Variants in PLEKHG1 observed in about 807,000 individuals in gnomAD.
The protein encoded by PLEKHG1 is pleckstrin homology and RhoGEF domain containing G1, also known as pleckstrin homology domain-containing family G member 1.
A neutral mutation model predicts 100.8 loss-of-function variants in PLEKHG1; 44 were observed. The ratio of observed to expected loss-of-function variants is 0.44; its 90% CI spans 0.34 to 0.56. PLEKHG1 has a LOEUF of 0.56. Among genes scored for constraint, PLEKHG1 ranks in the 20% least tolerant of loss-of-function variants. PLEKHG1 has a pLI of 0.01. For missense variants in PLEKHG1, 1,545 were observed against 1,720.9 expected, an observed-to-expected ratio of 0.90 and a Z score of 1.81; for synonymous variants, 640 against 662.5, an observed-to-expected ratio of 0.97 and a Z score of 0.52.
chr6:150,608,729 C>T (rs1249803715), intron 1 of PLEKHG1, among the ~76,000 whole-genome samples: 1 of 152,074 alleles, frequency 6.6e-6, no homozygotes, highest in African/African-American at 2.4e-5. Context: ...ATGAAAAAAA[C>T]TGTGTGCATG....
intron 1 of PLEKHG1, among the ~76,000 whole-genome samples, chr6:150,636,234 T>A (rs1003510410): frequency 1.3e-5 from 2 of 152,166 alleles, no homozygotes; most frequent in Admixed American, 6.5e-5. Flanking sequence ...ATTTTTTCTA[T>A]AAGTAACAGT....
Position 150,804,654 on chromosome 6 carries a change from G to A in PLEKHG1, c.825G>A (p.Val275=), listed in dbSNP as rs750484310. Residue 275 remains valine, a synonymous_variant, in exon 7 of 16, where the codon GTG becomes GTA. Coordinates refer to ENST00000358517, the Ensembl canonical transcript of PLEKHG1. ...ATAAGGACACAGAAGGCTATGATGT[G>A]GTGCTTGATGCTATAGACACAATGC... 12 of 1,613,220 alleles carry A rather than the reference G, an allele frequency of 7.4e-6. No homozygotes were observed. In the East Asian group the frequency reaches 2.7e-4, roughly 36 times the overall value.
intron 4 of PLEKHG1, among the ~76,000 whole-genome samples, chr6:150,789,709 G>T (rs890503311): frequency 6.6e-6 from 1 of 152,194 alleles, no homozygotes; most frequent in African/African-American, 2.4e-5. Flanking sequence ...TTCTATTCCA[G>T]GTTGAGTATA....
intron 3 of PLEKHG1, among the ~76,000 whole-genome samples, chr6:150,671,776 A>T (rs952858738): frequency 1.1e-4 from 17 of 152,228 alleles, no homozygotes; most frequent in African/African-American, 4.1e-4. Flanking sequence ...AAGTTGGGAC[A>T]TGAATGAAAG....
At chr6:150,609,830 G>C (rs1366119794) in intron 1 of PLEKHG1, among the ~76,000 whole-genome samples, 7 of 152,198 alleles carry the variant, frequency 4.6e-5, no homozygotes, top group Non-Finnish European at 8.8e-5. Context: ...TGTCGGCCAA[G>C]ACAAGGCAGC....
At chr6:150,744,448 A>G (rs1413025841) in intron 2 of PLEKHG1, among the ~76,000 whole-genome samples, 1 of 152,194 alleles carries the variant, frequency 6.6e-6, no homozygotes, top group Admixed American at 6.5e-5. Flanking sequence ...CAGAAGAAAA[A>G]GTAGGCAGTT....
intron 1 of PLEKHG1, among the ~76,000 whole-genome samples, chr6:150,610,550 A>G (rs1387672812): frequency 2.0e-5 from 3 of 152,230 alleles, no homozygotes; most frequent in Non-Finnish European, 4.4e-5. Context: ...TTTAAGTTTT[A>G]AAAAATCACA....
At chr6:150,711,548 A>G (rs1004490042) in intron 3 of PLEKHG1, among the ~76,000 whole-genome samples, 2 of 152,182 alleles carry the variant, frequency 1.3e-5, no homozygotes, top group Non-Finnish European at 2.9e-5. Context: ...CTAAGCAGAC[A>G]CTGGACACAC....
chr6:150,628,527 A>AGCACACACAC (rs1358863303), intron 1 of PLEKHG1, among the ~76,000 whole-genome samples: 2 of 94,760 alleles, frequency 2.1e-5, no homozygotes, highest in South Asian at 9.4e-4. Flanking sequence ...TAGATAGGAA[A>AGCACACACAC]ACACACACAC....
chr6:150,665,630 A>AAAAAAT (rs149374779), intron 3 of PLEKHG1, among the ~76,000 whole-genome samples: 4,519 of 148,214 alleles, frequency 0.03, 156 homozygotes, highest in Admixed American at 0.094. Context: ...ACTCCATCTC[A>AAAAAAT]AAAAATAAAA....
intron 2 of PLEKHG1, among the ~76,000 whole-genome samples, chr6:150,761,099 CTTTT>C (rs35068801): frequency 0.13 from 12,675 of 95,874 alleles, 438 homozygotes; most frequent in African/African-American, 0.3. Flanking sequence ...TTCTTTTTTT[CTTTT>C]TTTTTTTTTT....
Position 150,672,447 on chromosome 6 carries a change from A to G in PLEKHG1, c.-99+21661A>G, listed in dbSNP as rs553641913. Among the ~76,000 whole-genome samples the G allele has an allele frequency of 2.6e-5, 4 of 152,298 alleles. No homozygotes were observed. In the South Asian group the frequency reaches 8.3e-4, roughly 32 times the overall value. The stretch of plus-strand genomic sequence containing the variant: ...GCATTTATATTGTTTGATCATGGAG[A>G]TGAGTGAAAATTGAGATTAAGGATG... On this transcript the variant is annotated intron_variant, in intron 3 of 3. Coordinates refer to the PLEKHG1 transcript ENST00000367326.
chr6:150,761,432 C>A (rs1412913232), intron 2 of PLEKHG1, among the ~76,000 whole-genome samples: 1 of 152,114 alleles, frequency 6.6e-6, no homozygotes, highest in Non-Finnish European at 1.5e-5. Flanking sequence ...CTCAGCCTCT[C>A]GAGTAGCTGA....
chr6:150,766,110 T>C (rs1350406731), intron 2 of PLEKHG1, among the ~76,000 whole-genome samples: 2 of 152,192 alleles, frequency 1.3e-5, no homozygotes, highest in Non-Finnish European at 2.9e-5. Context: ...ATAGGAGAAA[T>C]TTTAAATCAC....
intron 5 of PLEKHG1, among the ~76,000 whole-genome samples, chr6:150,800,062 A>G (rs79355907): frequency 0.016 from 2,417 of 152,290 alleles, 135 homozygotes; most frequent in East Asian, 0.13. Flanking sequence ...CGCACTCCGT[A>G]GGAGCAAGAC....
At chr6:150,807,925 T>G (rs748835711) in intron 7 of PLEKHG1, among the ~76,000 whole-genome samples, 1 of 152,044 alleles carries the variant, frequency 6.6e-6, no homozygotes, top group African/African-American at 2.4e-5. Flanking sequence ...GCCGAGATTG[T>G]GCCACTGCAC....
chr6:150,697,332 G>A (rs1463793419), intron 3 of PLEKHG1, among the ~76,000 whole-genome samples: 2 of 152,344 alleles, frequency 1.3e-5, no homozygotes, highest in Middle Eastern at 3.4e-3. Context: ...AATGGAGAGA[G>A]CAGTGAGCTT....
At chr6:150,782,144 G>A (rs1310532086) in intron 3 of PLEKHG1, among the ~76,000 whole-genome samples, 3 of 151,980 alleles carry the variant, frequency 2.0e-5, no homozygotes, top group South Asian at 2.1e-4. Flanking sequence ...GTAGCCAGGC[G>A]TGGGGGCTCA....
At chr6:150,769,655 A>G (rs1268442449) in intron 3 of PLEKHG1, among the ~76,000 whole-genome samples, 5 of 152,124 alleles carry the variant, frequency 3.3e-5, no homozygotes, top group Non-Finnish European at 7.4e-5. Context: ...TTAACAGCAC[A>G]GAAGCTGCTG....
Sources: gnomAD v4.1 joint callset for allele counts (sites outside exome capture counted in the v4.1 genomes callset) on GRCh38, gnomAD v4.1.1 for gene constraint, MANE v1.5 for transcripts, NCBI Gene and HGNC (gene_info 2026-07-23, HGNC 2026-07-21) for gene names.